LONRF2: variants seen among roughly 807,000 people sequenced by gnomAD.
LONRF2 encodes the protein LON peptidase N-terminal domain and ring finger 2, also known as LON peptidase N-terminal domain and RING finger protein 2.
In LONRF2, 35 loss-of-function variants were observed where a neutral mutation model predicts 66.6. The observed-to-expected ratio is 0.53, with a 90% CI of 0.40 to 0.70. The LOEUF (loss-of-function observed/expected upper bound fraction) is 0.70. Ranked by LOEUF, LONRF2 falls within the 30% of genes least tolerant of loss-of-function variation. The pLI is 0.00. For synonymous variants in LONRF2, 417 were observed against 418.1 expected (o/e 1.00, Z 0.03); for missense variants, 902 against 1,002.1 (o/e 0.90, Z 1.35).
chr2:100,301,942 G>A (rs1675193184), intron 3 of LONRF2, among the ~76,000 whole-genome samples: 1 of 152,182 alleles, frequency 6.6e-6, no homozygotes, highest in African/African-American at 2.4e-5. Context: ...AGTGATACTG[G>A]TCAATTGAAC....
In LONRF2 at chr2:100,321,730, G is replaced by A. The variant is rs905405084; in HGVS notation, c.364C>T (p.Pro122Ser). The A allele has an allele frequency of 7.1e-6, 8 of 1,123,602 alleles. No individual in the cohort carries two copies. Among genetic ancestry groups the A allele is most frequent in the Non-Finnish European group, 8.7e-6 (8 of 921,372 alleles). The allele number at this position is 1,123,602 out of a possible 1,614,324, so 69.6% of individuals were successfully genotyped here. A position where few individuals can be genotyped will look rare whatever the true frequency, so the allele number is the denominator to read the frequency against. The change falls in exon 1 of 12, where the codon CCC becomes TCC. Residue 122 changes from proline to serine, a missense_variant. Coordinates refer to ENST00000393437, the MANE Select transcript of LONRF2 (RefSeq NM_198461.4). ...PLSAENPGGEPEAPGEGGPAP... is the reference protein window; with the variant it reads ...PLSAENPGGESEAPGEGGPAP... ...GGCCCTCCCTCGCCGGGCGCCTCGG[G>A]CTCGCCGCCCGGGTTCTCCGCGGAC...
chr2:100,285,562 G>T (rs1452745058), intron 11 of LONRF2, among the ~76,000 whole-genome samples: 1 of 152,150 alleles, frequency 6.6e-6, no homozygotes, highest in Non-Finnish European at 1.5e-5. Context: ...ATGTGATTCA[G>T]TTAAGGACTT....
chr2:100,284,162 C>T lies in LONRF2; in HGVS notation c.*136G>A. The T allele has an allele frequency of 1.3e-6, 1 of 742,354 alleles. No homozygotes were observed. Among genetic ancestry groups the T allele is most frequent in the South Asian group, 2.2e-5 (1 of 45,700 alleles). 46.0% of individuals were successfully genotyped at this position (742,354 alleles called of 1,614,324 possible). ...AGAATTGTCATTTTTGAGGAGGACTCAATGTTTGGCAAGCGTCCCATTTTG... is the reference window on the plus strand; with the variant it reads ...AGAATTGTCATTTTTGAGGAGGACTTAATGTTTGGCAAGCGTCCCATTTTG... On this transcript the variant is annotated 3_prime_UTR_variant, in exon 12 of 12. Coordinates refer to ENST00000393437, the MANE Select transcript of LONRF2 (RefSeq NM_198461.4).
In LONRF2 at chr2:100,321,670, C is replaced by A. The variant is rs1675631266; in HGVS notation, c.424G>T (p.Gly142Cys). The A allele has an allele frequency of 2.2e-6, 3 of 1,335,812 alleles. No homozygotes were observed. Among genetic ancestry groups the A allele is most frequent in the African/African-American group, 3.1e-5 (2 of 65,022 alleles). The allele number at this position is 1,335,812 out of a possible 1,614,324, so 82.7% of individuals were successfully genotyped here. The change falls in exon 1 of 12, where the codon GGC becomes TGC. Residue 142 changes from glycine to cysteine, a missense_variant. By Grantham distance (159) the Gly-to-Cys change is radical. This residue lies in a region of LONRF2 where 585 missense variants were observed against 569.9 expected (regional missense o/e 1.03). Coordinates refer to ENST00000393437, the MANE Select transcript of LONRF2 (RefSeq NM_198461.4). ...PEPRAPRDLL[G>C]CPRCRRLLHK... ...AGCAGCCGCCGGCAGCGCGGGCAGCCGAGCAGGTCGCGGGGCGCGCGGGGC... is the reference window on the plus strand; with the variant it reads ...AGCAGCCGCCGGCAGCGCGGGCAGCAGAGCAGGTCGCGGGGCGCGCGGGGC...
Position 100,321,521 on chromosome 2 carries a change from G to C in LONRF2, c.573C>G (p.Phe191Leu). ...GCCTGCGCAGCCGGCACTCGGCCGG[G>C]AAGCACTTCTCCAGCAGGCCGCTCA... ...VVLSGLLEKC[F>L]PAECRLRRLA... Residue 191 changes from phenylalanine to leucine, a missense_variant, in exon 1 of 12, where the codon TTC becomes TTG. Transcript: ENST00000393437. 1 of 1,551,462 alleles carries C rather than the reference G, an allele frequency of 6.4e-7. No individual in the cohort carries two copies. The highest frequency in any genetic ancestry group is 8.6e-7 in the Non-Finnish European group (1 of 1,160,862).
At chr2:100,317,285 T>G (rs902401448) in intron 1 of LONRF2, among the ~76,000 whole-genome samples, 1 of 152,148 alleles carries the variant, frequency 6.6e-6, no homozygotes, top group African/African-American at 2.4e-5. Flanking sequence ...TATTCCACTA[T>G]AGCTTTTTTT....
intron 8 of LONRF2, 94 bp downstream of exon 8, chr2:100,295,338 G>A (rs1196512819): frequency 1.6e-6 from 2 of 1,263,168 alleles, no homozygotes; most frequent in African/African-American, 3.1e-5. Context: ...GACCAAGAGA[G>A]TTCTCTGCCA....
Position 100,284,127 on chromosome 2 carries a change from C to T in LONRF2, c.*171G>A, listed in dbSNP as rs1328571098. Reference sequence around the variant, plus strand: ...GCTAACCTCACACAAGGTCAGATCCCACCAGACACAGAATTGTCATTTTTG... The same window carrying T: ...GCTAACCTCACACAAGGTCAGATCCTACCAGACACAGAATTGTCATTTTTG... On this transcript the variant is annotated 3_prime_UTR_variant, in exon 12 of 12. Coordinates refer to ENST00000393437, the MANE Select transcript of LONRF2 (RefSeq NM_198461.4). The T allele has an allele frequency of 1.1e-5, 7 of 624,120 alleles. No individual in the cohort carries two copies. The highest frequency in any genetic ancestry group is 3.5e-5 in the Admixed American group (1 of 28,838). The allele number at this position is 624,120 out of a possible 1,614,324, so 38.7% of individuals were successfully genotyped here.
At chr2:100,308,088 G>C (rs1158516458) in intron 2 of LONRF2, among the ~76,000 whole-genome samples, 3 of 152,110 alleles carry the variant, frequency 2.0e-5, no homozygotes, top group Admixed American at 1.3e-4. Flanking sequence ...ATGGGAGGGA[G>C]GCCGGGCGTG....
At position 100,321,645 on chromosome 2, in the gene LONRF2, A is replaced by T; in HGVS notation, c.449T>A (p.Leu150Gln). The T allele has an allele frequency of 2.1e-6, 3 of 1,410,796 alleles. No homozygotes were observed. Among genetic ancestry groups the T allele is most frequent in the Non-Finnish European group, 2.8e-6 (3 of 1,083,428 alleles). The allele number at this position is 1,410,796 out of a possible 1,614,324, so 87.4% of individuals were successfully genotyped here. A position where few individuals can be genotyped will look rare whatever the true frequency, so the allele number is the denominator to read the frequency against. Reference protein sequence around the residue: ...LLGCPRCRRLLHKPVTLPCGL... With the variant: ...LLGCPRCRRLQHKPVTLPCGL... ...GCAGGGCAGCGTCACCGGCTTATGC[A>T]GCAGCCGCCGGCAGCGCGGGCAGCC... The change falls in exon 1 of 12, where the codon CTG becomes CAG. Residue 150 changes from leucine to glutamine, a missense_variant. This residue lies in a region of LONRF2 where 585 missense variants were observed against 569.9 expected (regional missense o/e 1.03). Transcript: ENST00000393437.
In LONRF2 at chr2:100,321,424, G is replaced by C; in HGVS notation, c.670C>G (p.Leu224Val). Residue 224 changes from leucine (L) to valine (V), a missense_variant, in exon 1 of 12, where the codon CTG becomes GTG. Physicochemically the swap from Leu to Val is conservative, Grantham distance 32. This residue lies in a region of LONRF2 where 585 missense variants were observed against 569.9 expected (regional missense o/e 1.03). Transcript: ENST00000393437. ...EAALLRCDQA[L>V]ELAPDDNSLL... ...CCCGCAGCCGACTCACCCAGCTCCA[G>C]GGCCTGGTCGCACCTGAGCAGCGCG... The C allele has an allele frequency of 6.8e-7, 1 of 1,478,988 alleles. No individual in the cohort carries two copies. The allele number at this position is 1,478,988 out of a possible 1,614,324, so 91.6% of individuals were successfully genotyped here.
Position 100,280,383 on chromosome 2 carries a change from T to C in LONRF2, c.*3915A>G, listed in dbSNP as rs1018656241. ...CAGAGCGGGCTTCCCTGGGAATTAG[T>C]TTTTGGTGAACAATAGAATCAGAAT... On this transcript the variant is annotated 3_prime_UTR_variant, in exon 12 of 12. Transcript: ENST00000393437. 1 of 152,094 alleles carries C rather than the reference T, an allele frequency of 6.6e-6. No homozygotes were observed. The highest frequency in any genetic ancestry group is 6.6e-5 in the Admixed American group (1 of 15,266). 9.4% of individuals were successfully genotyped at this position (152,094 alleles called of 1,614,324 possible).
rs1465371866 is a variant in LONRF2 at position 100,299,325 on chromosome 2, T to A, written c.1268-6A>T. 2 of 1,539,694 alleles carry A rather than the reference T, an allele frequency of 1.3e-6. No individual in the cohort carries two copies. Among genetic ancestry groups the A allele is most frequent in the Non-Finnish European group, 1.8e-6 (2 of 1,140,192 alleles). On this transcript the variant is annotated splice_region_variant and splice_polypyrimidine_tract_variant and intron_variant, in intron 5 of 11. Coordinates refer to ENST00000393437, the MANE Select transcript of LONRF2 (RefSeq NM_198461.4). ...GCTCCTTTGAAGTGAGAGATCTGAATGCGAAAAAATTTAAAACGCTGTAAT... is the reference window on the plus strand; with the variant it reads ...GCTCCTTTGAAGTGAGAGATCTGAAAGCGAAAAAATTTAAAACGCTGTAAT...
chr2:100,299,662 T>C, intron 5 of LONRF2, 55 bp downstream of exon 5: 1 of 1,384,620 alleles, frequency 7.2e-7, no homozygotes, highest in Admixed American at 1.9e-5. Flanking sequence ...GAATACTAGT[T>C]AACATTCTAT....
rs973027150 is a variant in LONRF2, at chr2:100,281,381, G to C, written c.*2917C>G. The C allele has an allele frequency of 6.6e-6, 1 of 152,004 alleles. No homozygotes were observed. The highest frequency in any genetic ancestry group is 1.9e-4 in the East Asian group (1 of 5,194). 9.4% of individuals were successfully genotyped at this position (152,004 alleles called of 1,614,324 possible). A position where few individuals can be genotyped will look rare whatever the true frequency, so the allele number is the denominator to read the frequency against. On this transcript the variant is annotated 3_prime_UTR_variant, in exon 12 of 12. Coordinates refer to ENST00000393437, the MANE Select transcript of LONRF2 (RefSeq NM_198461.4). ...AAAATGAGATAATACTGTTGAATTT[G>C]GTACATGAATTGGTTAAGAATTATT...
intron 1 of LONRF2, among the ~76,000 whole-genome samples, chr2:100,310,760 T>A (rs1559181887): frequency 6.6e-6 from 1 of 152,178 alleles, no homozygotes; most frequent in East Asian, 1.9e-4. Flanking sequence ...TAGTAACTAT[T>A]TTAGGCTTTG....
intron 11 of LONRF2, among the ~76,000 whole-genome samples, chr2:100,286,027 G>A (rs1467126399): frequency 6.6e-6 from 1 of 152,086 alleles, no homozygotes; most frequent in African/African-American, 2.4e-5. Flanking sequence ...TGAGTTCCAG[G>A]ATACTGCAGA....
Position 100,289,498 on chromosome 2 carries a change from C to T in LONRF2, c.1920+760G>A, listed in dbSNP as rs1250462034. On this transcript the variant is annotated intron_variant, in intron 10 of 11. Transcript: ENST00000393437. ...TCGCCCAGGCTGGAGTGCAGTGGCA[C>T]GATCTCAGCTCACTGCAACCTTCAG... Among the ~76,000 whole-genome samples, 3 of 139,984 alleles carry T rather than the reference C, an allele frequency of 2.1e-5. No individual in the cohort carries two copies. In the East Asian group the frequency reaches 6.4e-4, roughly 30 times the overall value. 91.8% of individuals were successfully genotyped at this position (139,984 alleles called of 152,430 possible).
chr2:100,310,626 A>T (rs1400880335), intron 1 of LONRF2, among the ~76,000 whole-genome samples: 1 of 152,252 alleles, frequency 6.6e-6, no homozygotes, highest in African/African-American at 2.4e-5. Flanking sequence ...ACAAGAAAAA[A>T]GTAGAAGGGG....
Sources: gnomAD v4.1 joint callset for allele counts (sites outside exome capture counted in the v4.1 genomes callset) on GRCh38, gnomAD v4.1.1 for gene constraint, gnomAD v4.1.1 regional missense constraint, MANE v1.5 for transcripts, NCBI Gene and HGNC (gene_info 2026-07-23, HGNC 2026-07-21) for gene names.